Variants in EGFLAM observed in about 807,000 individuals in gnomAD.
EGFLAM encodes the protein pikachurin.
A neutral mutation model predicts 113.1 loss-of-function variants in EGFLAM; 79 were observed. The ratio of observed to expected loss-of-function variants is 0.70; its 90% CI spans 0.58 to 0.84. The LOEUF (loss-of-function observed/expected upper bound fraction) is 0.84, where lower values mean the gene tolerates loss of function less well. Ranked by LOEUF, EGFLAM falls within the 40% of genes least tolerant of loss-of-function variation. EGFLAM has a pLI of 0.00. For synonymous variants in EGFLAM, 504 were observed against 487.6 expected, an observed-to-expected ratio of 1.03 and a Z score of -0.44; for missense variants, 1,265 against 1,291.6, an observed-to-expected ratio of 0.98 and a Z score of 0.32.
intron 6 of EGFLAM, among the ~76,000 whole-genome samples, chr5:38,394,694 C>T (rs903830362): frequency 1.3e-4 from 19 of 147,386 alleles, no homozygotes; most frequent in African/African-American, 4.8e-4. Flanking sequence ...CAGGCGTGAG[C>T]CACCGCGCCG....
At chr5:38,409,251 CA>C in intron 10 of EGFLAM, 147 bp downstream of exon 10, 1 of 687,616 alleles carries the variant, frequency 1.5e-6, no homozygotes, top group Non-Finnish European at 2.4e-6. Context: ...ACCAGTTTAC[CA>C]AATACTGGTG....
At chr5:38,365,676 GAGAA>G (rs1390236797) in intron 5 of EGFLAM, among the ~76,000 whole-genome samples, 2 of 152,066 alleles carry the variant, frequency 1.3e-5, no homozygotes, top group African/African-American at 4.8e-5. Flanking sequence ...AGGAAAAGGA[GAGAA>G]AGAAAGGAGA....
chr5:38,304,611 C>CT (rs1758680494), intron 1 of EGFLAM, among the ~76,000 whole-genome samples: 1 of 152,136 alleles, frequency 6.6e-6, no homozygotes, highest in African/African-American at 2.4e-5. Context: ...CTCAAAACAG[C>CT]TACAGTAAAG....
At chr5:38,337,162 C>T (rs1314445919) in intron 1 of EGFLAM, among the ~76,000 whole-genome samples, 2 of 152,174 alleles carry the variant, frequency 1.3e-5, no homozygotes, top group Admixed American at 1.3e-4. Flanking sequence ...TGAGTAAATA[C>T]AAATGTGCCT....
At chr5:38,312,946 G>T (rs1385313594) in intron 1 of EGFLAM, among the ~76,000 whole-genome samples, 2 of 152,002 alleles carry the variant, frequency 1.3e-5, no homozygotes, top group Non-Finnish European at 1.5e-5. Flanking sequence ...AAATTAGCTG[G>T]GCGTGGTGGT....
intron 19 of EGFLAM, among the ~76,000 whole-genome samples, chr5:38,456,252 G>A (rs1321069346): frequency 6.6e-6 from 1 of 152,126 alleles, no homozygotes; most frequent in Non-Finnish European, 1.5e-5. Flanking sequence ...TTTGACAGAT[G>A]AGAATATGAA....
chr5:38,336,577 A>G (rs570807737), intron 1 of EGFLAM, among the ~76,000 whole-genome samples: 1 of 151,752 alleles, frequency 6.6e-6, no homozygotes, highest in East Asian at 1.9e-4. Flanking sequence ...CCGTACACAC[A>G]CACACACACA....
chr5:38,448,762 G>A lies in EGFLAM; in HGVS notation c.2543+383G>A, dbSNP rs572358818. 7.9e-5 allele frequency among the ~76,000 whole-genome samples: 12 copies of A among 152,300 alleles called. No homozygotes were observed. The East Asian group carries it at 1.5e-3, about 20-fold the overall frequency. ...ATGATTCTGTGAGCAGGGCAGTTCC[G>A]TGCTGTGCCGTGGCCAGAGTGTGCA... On this transcript the variant is annotated intron_variant, in intron 18 of 21. Coordinates refer to ENST00000322350, the MANE Select transcript of EGFLAM (RefSeq NM_152403.4).
At position 38,427,203 on chromosome 5, in the gene EGFLAM, G is replaced by A. The variant is rs1389870341; in HGVS notation, c.2005G>A (p.Gly669Ser). Residue 669 changes from glycine (G) to serine (S), a missense_variant, in exon 14 of 22, where the codon GGC (glycine) becomes AGC (serine). By Grantham distance (56) the Gly-to-Ser change is moderately conservative. Transcript: ENST00000322350. ...KDFLSINLAGGHVEFRFDCGS... is the reference protein window; with the variant it reads ...KDFLSINLAGSHVEFRFDCGS... Reference sequence around the variant, plus strand: ...CTTCCTGTCCATCAACTTGGCAGGGGGCCACGTGGAGTTCCGCTTTGACTG... The same window carrying A: ...CTTCCTGTCCATCAACTTGGCAGGGAGCCACGTGGAGTTCCGCTTTGACTG... The A allele has an allele frequency of 3.1e-6, 5 of 1,614,034 alleles. No homozygotes were observed. Among genetic ancestry groups the A allele is most frequent in the Non-Finnish European group, 4.2e-6 (5 of 1,180,040 alleles).
At chr5:38,275,858 T>C (rs35980251) in intron 1 of EGFLAM, among the ~76,000 whole-genome samples, 12,755 of 152,284 alleles carry the variant, frequency 0.084, 621 homozygotes, top group South Asian at 0.13. Context: ...ATTGAAATTA[T>C]GTTAAGTATC....
intron 1 of EGFLAM, among the ~76,000 whole-genome samples, chr5:38,260,827 G>A (rs1390961152): frequency 5.9e-5 from 9 of 152,194 alleles, no homozygotes; most frequent in Admixed American, 5.9e-4. Flanking sequence ...TTTTTGATCC[G>A]GAAAATTGGT....
chr5:38,281,468 A>G (rs1326838182), intron 1 of EGFLAM, among the ~76,000 whole-genome samples: 1 of 152,240 alleles, frequency 6.6e-6, no homozygotes. Flanking sequence ...ATCATTGTTT[A>G]TCTGAAGTTC....
intron 6 of EGFLAM, among the ~76,000 whole-genome samples, chr5:38,376,486 A>G (rs1421742428): frequency 6.6e-6 from 1 of 152,224 alleles, no homozygotes; most frequent in African/African-American, 2.4e-5. Flanking sequence ...ACTGAAGTGA[A>G]TTGGTGTCCT....
chr5:38,444,784 A>C (rs565291481), intron 17 of EGFLAM, among the ~76,000 whole-genome samples: 18 of 152,234 alleles, frequency 1.2e-4, no homozygotes, highest in African/African-American at 4.1e-4. Context: ...AACTCTACTA[A>C]AAATACAAAA....
chr5:38,365,109 C>T (rs1740024885), intron 5 of EGFLAM, among the ~76,000 whole-genome samples: 1 of 152,188 alleles, frequency 6.6e-6, no homozygotes, highest in South Asian at 2.1e-4. Flanking sequence ...AAAGTATTTT[C>T]CTAGCAGGAT....
chr5:38,284,027 T>C (rs1015897702), intron 1 of EGFLAM: 2 of 152,430 alleles, frequency 1.3e-5, no homozygotes, highest in African/African-American at 4.8e-5. Context: ...AGCGTAGATG[T>C]GAAGACAGTG....
intron 17 of EGFLAM, 84 bp from the exon 18 acceptor site, chr5:38,448,217 C>T: frequency 7.3e-7 from 1 of 1,366,048 alleles, no homozygotes; most frequent in Non-Finnish European, 1.0e-6. Context: ...TTTCCAGGAG[C>T]TGGGTGTTTT....
At chr5:38,277,748 C>T (rs1427564372) in intron 1 of EGFLAM, among the ~76,000 whole-genome samples, 1 of 146,434 alleles carries the variant, frequency 6.8e-6, no homozygotes, top group Non-Finnish European at 1.5e-5. Flanking sequence ...AGTAGCATTT[C>T]TAGCAAACTG....
At chr5:38,445,130 T>C (rs907791553) in intron 17 of EGFLAM, among the ~76,000 whole-genome samples, 2 of 152,152 alleles carry the variant, frequency 1.3e-5, no homozygotes, top group Admixed American at 6.5e-5. Context: ...AGGGTGCCTC[T>C]GCCTTTGTTA....
Sources: gnomAD v4.1 joint callset for allele counts (sites outside exome capture counted in the v4.1 genomes callset) on GRCh38, gnomAD v4.1.1 for gene constraint, MANE v1.5 for transcripts, NCBI Gene and HGNC (gene_info 2026-07-23, HGNC 2026-07-21) for gene names.